The following GPR21 variants were observed in gnomAD, a reference collection of about 807,000 sequenced individuals.
GPR21 encodes probable G protein-coupled receptor 21.
GPR21 carries 9 observed loss-of-function variants against 21.5 expected under a neutral mutation model. The ratio of observed to expected loss-of-function variants is 0.42; its 90% CI spans 0.25 to 0.73. The LOEUF (loss-of-function observed/expected upper bound fraction) is 0.73, where lower values mean the gene tolerates loss of function less well. Among genes scored for constraint, GPR21 ranks in the 30% least tolerant of loss-of-function variants. GPR21 has a pLI of 0.27. For synonymous variants in GPR21, 169 were observed against 159.3 expected, an observed-to-expected ratio of 1.06 and a Z score of -0.46; for missense variants, 416 against 428.9, an observed-to-expected ratio of 0.97 and a Z score of 0.27.
downstream of GPR21, among the ~76,000 whole-genome samples, chr9:123,037,713 G>T (rs901770820): frequency 2.0e-5 from 3 of 152,078 alleles, no homozygotes; most frequent in Non-Finnish European, 4.4e-5. Flanking sequence ...CAGCAGGTTT[G>T]ATCTTATTTT....
the GPR21 span, among the ~76,000 whole-genome samples, chr9:123,048,944 A>C: frequency 6.6e-6 from 1 of 152,224 alleles, no homozygotes; most frequent in East Asian, 1.9e-4. Context: ...TTCCTGTGGG[A>C]AACTTGAGCC....
the GPR21 span, among the ~76,000 whole-genome samples, chr9:123,048,434 C>G: frequency 6.6e-6 from 1 of 152,116 alleles, no homozygotes; most frequent in African/African-American, 2.4e-5. Flanking sequence ...AGACTTGGTC[C>G]TCTGTGTGTC....
In GPR21 at chr9:123,034,909, G is replaced by A. The variant is rs34751912; in HGVS notation, c.343G>A (p.Val115Ile). ...FGFVVSVLKS[V>I]SMASLACISI... ...TTTTGTAGTATCAGTTCTGAAGAGC[G>A]TCTCCATGGCTTCTCTGGCCTGTAT... is the stretch of plus-strand genomic sequence containing the variant. Residue 115 changes from valine (V) to isoleucine (I), a missense_variant, in exon 2 of 2, where the codon GTC (valine) becomes ATC (isoleucine). Coordinates refer to ENST00000616002, the MANE Select transcript of GPR21 (RefSeq NM_005294.3). 1.7e-5 allele frequency: 27 copies of A among 1,613,016 alleles called. No homozygotes were observed. The highest frequency in any genetic ancestry group is 1.7e-4 in the Middle Eastern group (1 of 6,058).
the GPR21 span, among the ~76,000 whole-genome samples, chr9:123,044,776 A>G: frequency 3.9e-5 from 6 of 152,140 alleles, no homozygotes; most frequent in African/African-American, 1.4e-4. Flanking sequence ...TGCCTGTTAA[A>G]TAGATTTCCT....
At chr9:123,040,666 T>A in the GPR21 span, among the ~76,000 whole-genome samples, 1 of 152,174 alleles carries the variant, frequency 6.6e-6, no homozygotes, top group Non-Finnish European at 1.5e-5. Context: ...AGTTTTATGA[T>A]TTTTTTATTA....
At chr9:123,043,212 T>A in the GPR21 span, among the ~76,000 whole-genome samples, 1 of 152,102 alleles carries the variant, frequency 6.6e-6, no homozygotes, top group Non-Finnish European at 1.5e-5. Flanking sequence ...AATAAAGAGA[T>A]ACAGAATCCA....
Position 123,034,930 on chromosome 9 carries a change from TGTATCA to T in GPR21, c.366_371del (p.Ser124_Ile125del). Reference sequence around the variant, plus strand: ...GAGCGTCTCCATGGCTTCTCTGGCCTGTATCAGCATTGATAGATACATTGCCATTAC... The same window carrying T: ...GAGCGTCTCCATGGCTTCTCTGGCCTGCATTGATAGATACATTGCCATTAC... On this transcript the variant is annotated inframe_deletion, in exon 2 of 2. Transcript: ENST00000616002. 6.2e-7 allele frequency: 1 copy of T among 1,613,218 alleles called. No homozygotes were observed.
chr9:123,047,935 T>TG, the GPR21 span, among the ~76,000 whole-genome samples: 1 of 74,520 alleles, frequency 1.3e-5, no homozygotes, highest in Non-Finnish European at 2.2e-5. Context: ...TTTTTTTTTT[T>TG]TTTTTTTTTT....
rs776038140 is a variant in GPR21, at chr9:123,035,231, C to T, written c.665C>T (p.Thr222Ile). The change falls in exon 2 of 2, where the codon ACA becomes ATA. Residue 222 changes from threonine to isoleucine, a missense_variant. Thr to Ile is a moderately conservative substitution (Grantham distance 89). Transcript: ENST00000616002. The stretch of plus-strand genomic sequence containing the variant: ...ATCTTCCGCATCTGCCAACAGCACA[C>T]AAAGGATATCAGCGAAAGGCAAGCC... Reference protein sequence around the residue: ...FNIFRICQQHTKDISERQARF... With the variant: ...FNIFRICQQHIKDISERQARF... The T allele has an allele frequency of 1.2e-6, 2 of 1,614,046 alleles. No individual in the cohort carries two copies. Among genetic ancestry groups the T allele is most frequent in the African/African-American group, 1.3e-5 (1 of 74,904 alleles).
downstream of GPR21, among the ~76,000 whole-genome samples, chr9:123,036,220 A>G (rs1588310043): frequency 6.6e-6 from 1 of 152,264 alleles, no homozygotes; most frequent in East Asian, 1.9e-4. Context: ...ACACATAAAC[A>G]TTAATTTTAG....
chr9:123,040,998 A>G, the GPR21 span, among the ~76,000 whole-genome samples: 3 of 152,138 alleles, frequency 2.0e-5, no homozygotes, highest in Admixed American at 6.5e-5. Context: ...CTTTTGTAGT[A>G]TATCATATTG....
chr9:123,046,103 C>A, the GPR21 span, among the ~76,000 whole-genome samples: 2 of 152,154 alleles, frequency 1.3e-5, no homozygotes, highest in Non-Finnish European at 2.9e-5. Flanking sequence ...TCCAGTTCTT[C>A]AACTGATGTT....
chr9:123,041,972 A>G, the GPR21 span, among the ~76,000 whole-genome samples: 1 of 152,154 alleles, frequency 6.6e-6, no homozygotes, highest in Admixed American at 6.5e-5. Flanking sequence ...TCCCCATCCC[A>G]AGCAGGCAAC....
At chr9:123,042,661 GA>G in the GPR21 span, among the ~76,000 whole-genome samples, 1 of 152,136 alleles carries the variant, frequency 6.6e-6, no homozygotes, top group South Asian at 2.1e-4. Flanking sequence ...CAGAGAGACA[GA>G]AAATAGATGA....
downstream of GPR21, among the ~76,000 whole-genome samples, chr9:123,036,570 AGGGT>A (rs1206671181): frequency 6.6e-6 from 1 of 152,194 alleles, no homozygotes; most frequent in Non-Finnish European, 1.5e-5. Flanking sequence ...ATCAGGGAGA[AGGGT>A]GTCGGTCATA....
chr9:123,034,358 G>GCTGGCT lies in GPR21; in HGVS notation c.-206_-201dup, dbSNP rs1463654160. 4 of 570,888 alleles carry GCTGGCT rather than the reference G, an allele frequency of 7.0e-6. No individual in the cohort carries two copies. The highest frequency in any genetic ancestry group is 1.2e-5 in the Non-Finnish European group (4 of 326,264). 35.4% of individuals were successfully genotyped at this position (570,888 alleles called of 1,614,324 possible). On this transcript the variant is annotated 5_prime_UTR_variant, in exon 2 of 2. Transcript: ENST00000616002. ...GTCTGGGACTGGCCAGACAACTGCT[G>GCTGGCT]CTGGCTCTCCTTATTCCAGGAAGGA... is the stretch of plus-strand genomic sequence containing the variant.
At chr9:123,044,944 T>C in the GPR21 span, among the ~76,000 whole-genome samples, 2 of 152,130 alleles carry the variant, frequency 1.3e-5, no homozygotes, top group Non-Finnish European at 2.9e-5. Context: ...GACTAAAGAC[T>C]GTAATGAAGT....
At chr9:123,041,246 A>T in the GPR21 span, among the ~76,000 whole-genome samples, 1 of 152,260 alleles carries the variant, frequency 6.6e-6, no homozygotes, top group Admixed American at 6.5e-5. Context: ...CCAGAGTCAG[A>T]CAGCTTATAA....
chr9:123,036,524 G>A (rs1171810007), downstream of GPR21, among the ~76,000 whole-genome samples: 1 of 152,150 alleles, frequency 6.6e-6, no homozygotes, highest in Admixed American at 6.5e-5. Context: ...AATATTGTCT[G>A]TTCTTTCTAT....
Sources: allele counts gnomAD v4.1 joint callset (sites outside exome capture counted in the v4.1 genomes callset), GRCh38; gene constraint gnomAD v4.1.1; transcripts MANE v1.5; gene names NCBI Gene and HGNC (gene_info 2026-07-23, HGNC 2026-07-21).